HK1: variants seen among roughly 807,000 people sequenced by gnomAD.
The protein encoded by HK1 is hexokinase 1.
Under a neutral mutation model 91.6 loss-of-function variants are expected in HK1, and 28 were observed. The ratio of observed to expected loss-of-function variants is 0.31; its 90% CI spans 0.23 to 0.42. HK1 has a LOEUF of 0.42. Among genes scored for constraint, HK1 ranks in the 10% least tolerant of loss-of-function variants. The pLI, the probability that HK1 is intolerant of heterozygous loss-of-function variation, is 1.00. For synonymous variants in HK1, 430 were observed against 468.1 expected (o/e 0.92, Z 1.05); for missense variants, 770 against 1,219.8 (o/e 0.63, Z 5.49).
chr10:69,304,245 C>T (rs1208249323), intron 5 of HK1, among the ~76,000 whole-genome samples: 4 of 151,608 alleles, frequency 2.6e-5, no homozygotes, highest in Non-Finnish European at 5.9e-5. Context: ...TGGAAAAGGG[C>T]TGTTATCATC....
chr10:69,355,068 CAAA>C (rs775908068), intron 2 of HK1, among the ~76,000 whole-genome samples: 15,230 of 84,676 alleles, frequency 0.18, 910 homozygotes, highest in South Asian at 0.28. Context: ...GACTCCCTCT[CAAA>C]AAAAAAAAAA....
At chr10:69,298,819 C>G (rs1248395045) in intron 4 of HK1, among the ~76,000 whole-genome samples, 1 of 151,934 alleles carries the variant, frequency 6.6e-6, no homozygotes, top group Non-Finnish European at 1.5e-5. Context: ...TATTTAAATT[C>G]TGGCTTTACA....
chr10:69,293,855 CTTTTTTTTTTTTT>C (rs34434447), intron 3 of HK1, among the ~76,000 whole-genome samples: 1 of 98,982 alleles, frequency 1.0e-5, no homozygotes. Flanking sequence ...ATATTTCTTT[CTTTTTTTTTTTTT>C]TTTTTTTTTT....
At chr10:69,304,856 C>G (rs1390466244) in intron 5 of HK1, among the ~76,000 whole-genome samples, 1 of 152,152 alleles carries the variant, frequency 6.6e-6, no homozygotes, top group African/African-American at 2.4e-5. Flanking sequence ...CGTTCGGTTC[C>G]TTGTAGCTGT....
upstream of HK1, among the ~76,000 whole-genome samples, chr10:69,313,421 C>G (rs995652119): frequency 4.6e-5 from 7 of 152,156 alleles, no homozygotes; most frequent in Admixed American, 4.6e-4. Context: ...GTGGTGTCAC[C>G]TTTAGGTGCC....
chr10:69,353,364 G>A (rs933258643), intron 2 of HK1, among the ~76,000 whole-genome samples: 1 of 152,200 alleles, frequency 6.6e-6, no homozygotes, highest in Non-Finnish European at 1.5e-5. Context: ...CCAGGTGGGT[G>A]GATCGCTTGA....
chr10:69,382,829 C>T (rs779366464), intron 10 of HK1, 38 bp downstream of exon 10: 2 of 1,596,722 alleles, frequency 1.3e-6, no homozygotes, highest in South Asian at 1.1e-5. Flanking sequence ...CTGTCCTGCT[C>T]CTGCCAGGAA....
chr10:69,323,254 A>C (rs1847148792), intron 1 of HK1, among the ~76,000 whole-genome samples: 1 of 151,928 alleles, frequency 6.6e-6, no homozygotes, highest in Non-Finnish European at 1.5e-5. Flanking sequence ...CAAAAAAAAA[A>C]AAAAGAAAAT....
rs555018309 is a variant in HK1, at chr10:69,368,853, G to A, written c.591+222G>A. Among the ~76,000 whole-genome samples, 6 of 152,288 alleles carry A rather than the reference G, an allele frequency of 3.9e-5. No homozygotes were observed. The East Asian group carries it at 1.2e-3, about 29-fold the overall frequency. ...TGGAGCACCCAGGCCTGGAGCAGGG[G>A]GTCACCTCCTGACAGGAGTGCTGGG... On this transcript the variant is annotated intron_variant, in intron 5 of 17. Transcript: ENST00000359426.
chr10:69,378,264 C>G (rs1839213592), intron 8 of HK1, among the ~76,000 whole-genome samples: 2 of 151,852 alleles, frequency 1.3e-5, no homozygotes, highest in Non-Finnish European at 2.9e-5. Flanking sequence ...GAAACACAAA[C>G]CCAGCTAGCT....
At chr10:69,273,454 G>C (rs1844280798) in intron 1 of HK1, among the ~76,000 whole-genome samples, 1 of 152,178 alleles carries the variant, frequency 6.6e-6, no homozygotes, top group Admixed American at 6.5e-5. Context: ...CTGACATCAT[G>C]ATCCGCCCAC....
At chr10:69,388,516 C>T (rs904657458) in intron 13 of HK1, among the ~76,000 whole-genome samples, 3 of 151,214 alleles carry the variant, frequency 2.0e-5, no homozygotes, top group Admixed American at 6.6e-5. Flanking sequence ...ATTCTTCTAG[C>T]TTGCTTTCCA....
At chr10:69,277,119 C>T (rs746075819) in intron 1 of HK1, among the ~76,000 whole-genome samples, 7 of 152,102 alleles carry the variant, frequency 4.6e-5, no homozygotes, top group African/African-American at 9.7e-5. Flanking sequence ...ATGCTAATTT[C>T]GCTGGATATA....
At chr10:69,350,586 C>A (rs888869160) in intron 2 of HK1, among the ~76,000 whole-genome samples, 1 of 151,474 alleles carries the variant, frequency 6.6e-6, no homozygotes, top group South Asian at 2.1e-4. Context: ...TGCTTGAACC[C>A]GGGAGTTGGA....
At chr10:69,330,568 T>C (rs1385809122) in intron 1 of HK1, among the ~76,000 whole-genome samples, 1 of 152,176 alleles carries the variant, frequency 6.6e-6, no homozygotes. Context: ...GTTCAGGACA[T>C]ACTATCCCCA....
intron 3 of HK1, among the ~76,000 whole-genome samples, chr10:69,290,538 G>C (rs1845251651): frequency 6.6e-6 from 1 of 151,994 alleles, no homozygotes; most frequent in Admixed American, 6.6e-5. Context: ...CACTCTTATT[G>C]CCCAGGCTGG....
intron 5 of HK1, among the ~76,000 whole-genome samples, chr10:69,308,741 T>C (rs963857070): frequency 1.3e-5 from 2 of 152,126 alleles, no homozygotes; most frequent in Non-Finnish European, 2.9e-5. Context: ...TAAAACAATA[T>C]GAGAGGGTCT....
chr10:69,320,691 G>A (rs1846966749), intron 1 of HK1, among the ~76,000 whole-genome samples: 2 of 152,054 alleles, frequency 1.3e-5, no homozygotes, highest in African/African-American at 4.8e-5. Context: ...CTGCTGGGCT[G>A]GGGGGTGCCT....
intron 2 of HK1, among the ~76,000 whole-genome samples, chr10:69,356,480 T>TA (rs1262354260): frequency 6.6e-6 from 1 of 151,348 alleles, no homozygotes; most frequent in Non-Finnish European, 1.5e-5. Flanking sequence ...AAGGATACCA[T>TA]AAAAAAAAGA....
Sources: gnomAD v4.1 joint callset for allele counts (sites outside exome capture counted in the v4.1 genomes callset) on GRCh38, gnomAD v4.1.1 for gene constraint, MANE v1.5 for transcripts, NCBI Gene and HGNC (gene_info 2026-07-23, HGNC 2026-07-21) for gene names.